Variants in LIMS1 observed in about 807,000 individuals in gnomAD.
LIMS1 encodes the protein LIM zinc finger domain containing 1, also known as LIM and senescent cell antigen-like-containing domain protein 1.
Under a neutral mutation model 44.1 loss-of-function variants are expected in LIMS1, and 18 were observed. The observed-to-expected ratio is 0.41, with a 90% confidence interval of 0.28 to 0.61. LIMS1 has a LOEUF of 0.61. LIMS1 is among the 20% of genes least tolerant of loss of function. The pLI is 0.32. For synonymous variants in LIMS1, 93 were observed against 149.1 expected (o/e 0.62, Z 2.74); for missense variants, 201 against 422.0 (o/e 0.48, Z 4.59).
intron 1 of LIMS1, among the ~76,000 whole-genome samples, chr2:108,613,492 T>TG (rs1365351578): frequency 2.0e-5 from 3 of 151,982 alleles, no homozygotes; most frequent in Non-Finnish European, 4.4e-5. Flanking sequence ...TCTGCCCTTC[T>TG]GCCCTCCCTC....
At chr2:108,665,588 G>A (rs1473744254) in intron 2 of LIMS1, among the ~76,000 whole-genome samples, 1 of 152,038 alleles carries the variant, frequency 6.6e-6, no homozygotes, top group Non-Finnish European at 1.5e-5. Flanking sequence ...GTGCAGTGGT[G>A]TGATCTTGGC....
intron 1 of LIMS1, among the ~76,000 whole-genome samples, chr2:108,550,389 C>G (rs995213340): frequency 6.6e-6 from 1 of 151,302 alleles, no homozygotes; most frequent in East Asian, 1.9e-4. Flanking sequence ...GTCCCAGCTA[C>G]TGAGGAGGCT....
At chr2:108,683,386 T>A (rs1693132666) in intron 9 of LIMS1, among the ~76,000 whole-genome samples, 1 of 151,886 alleles carries the variant, frequency 6.6e-6, no homozygotes. Context: ...CAAAAAAAAA[T>A]TTTTAAGTTA....
At chr2:108,659,028 T>A (rs1440146989) in intron 1 of LIMS1, 1 of 152,358 alleles carries the variant, frequency 6.6e-6, no homozygotes. Flanking sequence ...CATTTTATAA[T>A]ATTGGTAATC....
intron 1 of LIMS1, among the ~76,000 whole-genome samples, chr2:108,617,737 G>C (rs1237864286): frequency 1.3e-5 from 2 of 152,178 alleles, no homozygotes; most frequent in African/African-American, 4.8e-5. Context: ...AGCTAGTCCT[G>C]CCAGTGATCC....
intron 2 of LIMS1, chr2:108,660,060 T>C: frequency 2.2e-6 from 1 of 446,808 alleles, no homozygotes; most frequent in Non-Finnish European, 4.3e-6. Context: ...GCAGCTCAGC[T>C]CCACATAGAA....
chr2:108,597,441 T>C (rs1686766569), intron 1 of LIMS1, among the ~76,000 whole-genome samples: 1 of 152,178 alleles, frequency 6.6e-6, no homozygotes, highest in African/African-American at 2.4e-5. Context: ...ATGTTGTGAA[T>C]TCTTGATAAA....
chr2:108,600,153 G>A (rs1686929022), intron 1 of LIMS1, among the ~76,000 whole-genome samples: 1 of 151,174 alleles, frequency 6.6e-6, no homozygotes, highest in East Asian at 2.0e-4. Context: ...GGGCTCAAGC[G>A]ATTCTCCTGC....
At chr2:108,668,799 C>T (rs774100815) in intron 2 of LIMS1, among the ~76,000 whole-genome samples, 2 of 152,156 alleles carry the variant, frequency 1.3e-5, no homozygotes, top group African/African-American at 4.8e-5. Context: ...GATTTTTATA[C>T]ATATAGATGG....
intron 1 of LIMS1, among the ~76,000 whole-genome samples, chr2:108,589,668 C>T (rs1686283864): frequency 6.6e-6 from 1 of 152,158 alleles, no homozygotes; most frequent in Non-Finnish European, 1.5e-5. Context: ...TTAGCACTAA[C>T]TTTTGCTGCA....
rs1685259591 is a variant in LIMS1 at position 108,565,346 on chromosome 2, G to A, written c.32+30752G>A. On this transcript the variant is annotated intron_variant, in intron 1 of 9. Transcript: ENST00000544547. ...AAAGGTCTCTAATAAAATTTGGGAG[G>A]CACATAATTTAGTCGTCTACTAATC... 2.0e-5 allele frequency among the ~76,000 whole-genome samples: 3 copies of A among 152,124 alleles called. No individual in the cohort carries two copies. In the South Asian group the frequency reaches 6.2e-4, roughly 32 times the overall value.
chr2:108,551,839 T>C (rs1225582621), intron 1 of LIMS1, among the ~76,000 whole-genome samples: 1 of 146,458 alleles, frequency 6.8e-6, no homozygotes, highest in East Asian at 2.0e-4. Context: ...TATACACATA[T>C]ACTGTATATA....
At chr2:108,636,911 C>T (rs1437002861) in intron 1 of LIMS1, among the ~76,000 whole-genome samples, 5 of 152,140 alleles carry the variant, frequency 3.3e-5, no homozygotes, top group African/African-American at 4.8e-5. Context: ...GGCAGTGTTA[C>T]ATGAGCACCA....
intron 2 of LIMS1, among the ~76,000 whole-genome samples, chr2:108,670,561 C>G (rs1388562799): frequency 6.6e-6 from 1 of 152,096 alleles, no homozygotes; most frequent in African/African-American, 2.4e-5. Flanking sequence ...GTGTACTGTT[C>G]ACTCTAGCCT....
intron 1 of LIMS1, among the ~76,000 whole-genome samples, chr2:108,648,997 C>T (rs964053233): frequency 1.3e-5 from 2 of 152,284 alleles, no homozygotes; most frequent in Admixed American, 6.5e-5. Flanking sequence ...TCTGACTAAA[C>T]TAAAGAGCTT....
intron 1 of LIMS1, among the ~76,000 whole-genome samples, chr2:108,634,754 CAGGAA>C (rs1193921500): frequency 6.6e-6 from 1 of 152,214 alleles, no homozygotes; most frequent in African/African-American, 2.4e-5. Context: ...ATGACCATGA[CAGGAA>C]AGCATGTGGA....
chr2:108,641,841 G>A (rs926392885), intron 1 of LIMS1, among the ~76,000 whole-genome samples: 1 of 152,190 alleles, frequency 6.6e-6, no homozygotes, highest in African/African-American at 2.4e-5. Flanking sequence ...CTCACTGTCT[G>A]TTGAAAGAAA....
intron 1 of LIMS1, among the ~76,000 whole-genome samples, chr2:108,616,232 G>T (rs1252775374): frequency 1.4e-5 from 2 of 142,782 alleles, no homozygotes; most frequent in African/African-American, 5.3e-5. Flanking sequence ...GGATATAGGG[G>T]TCTTACTCTG....
Position 108,551,133 on chromosome 2 carries a change from C to G in LIMS1, c.32+16539C>G, listed in dbSNP as rs185768293. Among the ~76,000 whole-genome samples the G allele has an allele frequency of 1.4e-4, 22 of 151,944 alleles. No individual in the cohort carries two copies. In the East Asian group the frequency reaches 4.3e-3, roughly 29 times the overall value. On this transcript the variant is annotated intron_variant, in intron 1 of 9. Coordinates refer to ENST00000544547, the Ensembl canonical transcript of LIMS1. The stretch of plus-strand genomic sequence containing the variant: ...CAGAGCAAGAGCCTACCTCAAGAAA[C>G]AAAAACAAACTCACACACAGCTTCG...
Sources: allele counts gnomAD v4.1 joint callset (sites outside exome capture counted in the v4.1 genomes callset), GRCh38; gene constraint gnomAD v4.1.1; transcripts MANE v1.5; gene names NCBI Gene and HGNC (gene_info 2026-07-23, HGNC 2026-07-21).